Variants in ASCC2 observed in about 807,000 individuals in gnomAD.
ASCC2 encodes ASC-1 complex subunit P100.
ASCC2 carries 42 observed loss-of-function variants against 93.5 expected under a neutral mutation model. The observed-to-expected ratio is 0.45, with a 90% CI of 0.35 to 0.58. ASCC2 has a LOEUF of 0.58. ASCC2 is among the 20% of genes least tolerant of loss of function. ASCC2 has a pLI of 0.00. For synonymous variants in ASCC2, 364 were observed against 384.2 expected (o/e 0.95, Z 0.62); for missense variants, 859 against 977.6 (o/e 0.88, Z 1.62).
intron 13 of ASCC2, among the ~76,000 whole-genome samples, chr22:29,803,667 T>C (rs899090168): frequency 6.6e-6 from 1 of 152,266 alleles, no homozygotes; most frequent in Non-Finnish European, 1.5e-5. Context: ...GTAAGGGGCA[T>C]GCATTTTATA....
At chr22:29,824,387 G>A (rs1417289345) in intron 4 of ASCC2, among the ~76,000 whole-genome samples, 1 of 151,922 alleles carries the variant, frequency 6.6e-6, no homozygotes, top group Non-Finnish European at 1.5e-5. Flanking sequence ...GCCTGAGGTG[G>A]GAATATAACT....
chr22:29,829,731 C>T (rs577792127), intron 2 of ASCC2, among the ~76,000 whole-genome samples: 6 of 152,122 alleles, frequency 3.9e-5, no homozygotes, highest in African/African-American at 7.2e-5. Context: ...CCATGTTGCC[C>T]GAGCTGGTCT....
chr22:29,829,004 A>C (rs1215479067), intron 2 of ASCC2, among the ~76,000 whole-genome samples: 2 of 151,944 alleles, frequency 1.3e-5, no homozygotes, highest in African/African-American at 4.8e-5. Context: ...GTGAAATCCC[A>C]TCTCTTATCA....
chr22:29,796,280 T>C (rs2058425534), intron 15 of ASCC2, among the ~76,000 whole-genome samples: 1 of 152,140 alleles, frequency 6.6e-6, no homozygotes, highest in African/African-American at 2.4e-5. Context: ...AGCTAATTTT[T>C]TGTATTTTTT....
At chr22:29,823,035 AT>A (rs897777365) in intron 4 of ASCC2, among the ~76,000 whole-genome samples, 22 of 135,882 alleles carry the variant, frequency 1.6e-4, no homozygotes, top group South Asian at 7.0e-4. Context: ...TTTAAAAAAA[AT>A]TTTTTTTTAA....
chr22:29,804,904 G>A (rs2074706), intron 12 of ASCC2, 74 bp from the exon 13 acceptor site: 2 of 1,501,904 alleles, frequency 1.3e-6, no homozygotes, highest in Non-Finnish European at 9.1e-7. Flanking sequence ...TCCCTCCCCA[G>A]CATCTGACCA....
chr22:29,806,333 CACAGGAA>C, intron 11 of ASCC2, 43 bp from the exon 12 acceptor site: 2 of 1,601,170 alleles, frequency 1.2e-6, no homozygotes. Context: ...GAGCTGGGGC[CACAGGAA>C]TGCTGTGCTG....
At chr22:29,827,554 C>T (rs1483769210) in intron 2 of ASCC2, 1 of 470,872 alleles carries the variant, frequency 2.1e-6, no homozygotes, top group Non-Finnish European at 4.4e-6. Flanking sequence ...CTGCAGGACC[C>T]CCTCCCATTT....
At chr22:29,796,284 A>AT (rs397974160) in intron 15 of ASCC2, among the ~76,000 whole-genome samples, 6 of 150,878 alleles carry the variant, frequency 4.0e-5, no homozygotes, top group South Asian at 2.1e-4. Context: ...AATTTTTTGT[A>AT]TTTTTTTTTA....
intron 12 of ASCC2, among the ~76,000 whole-genome samples, chr22:29,805,214 G>C (rs1278060606): frequency 6.6e-6 from 1 of 152,228 alleles, no homozygotes; most frequent in Non-Finnish European, 1.5e-5. Context: ...TGCAAAGGCT[G>C]TGGGCCATCA....
chr22:29,810,218 G>A (rs2060126981), intron 8 of ASCC2: 1 of 152,202 alleles, frequency 6.6e-6, no homozygotes, highest in Non-Finnish European at 1.5e-5. Context: ...TTCCTTTCCA[G>A]AACTAGATGC....
At position 29,825,520 on chromosome 22, in the gene ASCC2, G is replaced by A; in HGVS notation, c.240+102C>T. ...TGCTGTTAAGGATCCAGTGAAAGAAGTAGACAAAAAAGCACCTCCTAGGGG... is the reference window on the plus strand; with the variant it reads ...TGCTGTTAAGGATCCAGTGAAAGAAATAGACAAAAAAGCACCTCCTAGGGG... On this transcript the variant is annotated intron_variant, in intron 3 of 19. Coordinates refer to ENST00000307790, the MANE Select transcript of ASCC2 (RefSeq NM_032204.5). This position sits in a 1 kb window ranked among gnomAD's most constrained non-coding sequence, Gnocchi z 4.9. The A allele has an allele frequency of 6.6e-7, 1 of 1,512,196 alleles. No individual in the cohort carries two copies. Among genetic ancestry groups the A allele is most frequent in the Non-Finnish European group, 9.2e-7 (1 of 1,092,738 alleles). The allele number at this position is 1,512,196 out of a possible 1,614,324, so 93.7% of individuals were successfully genotyped here.
intron 2 of ASCC2, among the ~76,000 whole-genome samples, chr22:29,829,865 A>C (rs967968601): frequency 6.6e-6 from 1 of 152,148 alleles, no homozygotes; most frequent in African/African-American, 2.4e-5. Flanking sequence ...TGCTATTCAA[A>C]TAGATCCTCA....
chr22:29,791,653 C>T (rs1218853863), intron 18 of ASCC2, among the ~76,000 whole-genome samples: 1 of 152,122 alleles, frequency 6.6e-6, no homozygotes. Context: ...TGCACTCCAG[C>T]CTGGATGACG....
intron 2 of ASCC2, among the ~76,000 whole-genome samples, chr22:29,831,730 C>T (rs1032167522): frequency 6.6e-6 from 1 of 152,156 alleles, no homozygotes; most frequent in African/African-American, 2.4e-5. Flanking sequence ...AGCTGGTAAT[C>T]GACATGTTCA....
At chr22:29,793,090 T>A (rs1241132676) in intron 17 of ASCC2, among the ~76,000 whole-genome samples, 1 of 152,144 alleles carries the variant, frequency 6.6e-6, no homozygotes, top group Non-Finnish European at 1.5e-5. Flanking sequence ...AGGTCAAGGC[T>A]GCAGTCAGCC....
At chr22:29,814,838 G>A (rs1206370942) in intron 6 of ASCC2, 71 bp from the exon 7 acceptor site, 1 of 1,297,542 alleles carries the variant, frequency 7.7e-7, no homozygotes, top group Non-Finnish European at 1.1e-6. Flanking sequence ...AGCAGCCAGG[G>A]TCAGGTGATC....
In ASCC2 at chr22:29,825,884, C is replaced by A; in HGVS notation, c.82-104G>T. Reference sequence around the variant, plus strand: ...ACACTTGGCTGTTCCAACCGGTGACCCTCCAAGGAGCTTTTAAGCATAAAG... The same window carrying A: ...ACACTTGGCTGTTCCAACCGGTGACACTCCAAGGAGCTTTTAAGCATAAAG... On this transcript the variant is annotated intron_variant, in intron 2 of 19. Transcript: ENST00000307790. This position sits in a 1 kb window ranked among gnomAD's most constrained non-coding sequence, Gnocchi z 4.9. 1.5e-6 allele frequency: 2 copies of A among 1,377,002 alleles called. No individual in the cohort carries two copies. The highest frequency in any genetic ancestry group is 1.4e-5 in the South Asian group (1 of 71,850). The allele number at this position is 1,377,002 out of a possible 1,614,324, so 85.3% of individuals were successfully genotyped here.
At chr22:29,791,928 G>C (rs1002745087) in intron 18 of ASCC2, among the ~76,000 whole-genome samples, 2 of 152,214 alleles carry the variant, frequency 1.3e-5, no homozygotes, top group African/African-American at 4.8e-5. Context: ...TGTCACCCTG[G>C]TGTGGGGCAT....
Sources: gnomAD v4.1 joint callset for allele counts (sites outside exome capture counted in the v4.1 genomes callset) on GRCh38, gnomAD v4.1.1 for gene constraint, Gnocchi (gnomAD v3.1) non-coding constraint, MANE v1.5 for transcripts, NCBI Gene and HGNC (gene_info 2026-07-23, HGNC 2026-07-21) for gene names.